The following TIAM2 variants were observed in gnomAD, a reference collection of about 807,000 sequenced individuals.
TIAM2 encodes the protein rho guanine nucleotide exchange factor TIAM2.
TIAM2 carries 80 observed loss-of-function variants against 152.9 expected under a neutral mutation model. The ratio of observed to expected loss-of-function variants is 0.52; its 90% CI spans 0.44 to 0.63. The LOEUF is 0.63. Ranked by LOEUF, TIAM2 falls within the 30% of genes least tolerant of loss-of-function variation. The pLI, the probability that TIAM2 is intolerant of heterozygous loss-of-function variation, is 0.00. For synonymous variants in TIAM2, 804 were observed against 838.0 expected (o/e 0.96, Z 0.70); for missense variants, 1,965 against 2,120.1 (o/e 0.93, Z 1.44).
intron 1 of TIAM2, among the ~76,000 whole-genome samples, chr6:155,048,542 G>A (rs1345778641): frequency 6.9e-6 from 1 of 144,596 alleles, no homozygotes; most frequent in Admixed American, 7.1e-5. Flanking sequence ...AGAGGACAGA[G>A]CAAGAGAAGG....
intron 1 of TIAM2, among the ~76,000 whole-genome samples, chr6:155,006,116 G>A (rs1448850986): frequency 6.6e-6 from 1 of 152,204 alleles, no homozygotes; most frequent in East Asian, 1.9e-4. Context: ...TAGCCCCCCG[G>A]GGTCCTGGAG....
chr6:155,167,828 G>A (rs1411860823), intron 9 of TIAM2, among the ~76,000 whole-genome samples: 1 of 152,062 alleles, frequency 6.6e-6, no homozygotes, highest in Non-Finnish European at 1.5e-5. Context: ...TTCTTTGATG[G>A]TTAACTAATG....
chr6:155,254,172 C>T (rs1184369898), intron 25 of TIAM2, 112 bp downstream of exon 25: 5 of 1,207,422 alleles, frequency 4.1e-6, no homozygotes, highest in Non-Finnish European at 5.8e-6. Context: ...GGGTCATACT[C>T]CCCACCCTCC....
rs201540353 is a variant in TIAM2 at position 155,248,058 on chromosome 6, T to C, written c.3711T>C (p.His1237=). 4.3e-6 allele frequency: 7 copies of C among 1,614,240 alleles called. No individual in the cohort carries two copies. In the East Asian group the frequency reaches 1.6e-4, roughly 36 times the overall value. Residue 1237 remains histidine (H), a synonymous_variant, in exon 20 of 27, where the codon CAT becomes CAC. Transcript: ENST00000682666. Reference sequence around the variant, plus strand: ...ACGCCCGGAACCCCACCAAGCAGCATTCCTCCACGCTGGAGTCCTACCTCA... The same window carrying C: ...ACGCCCGGAACCCCACCAAGCAGCACTCCTCCACGCTGGAGTCCTACCTCA... ...FLDARNPTKQ[H]SSTLESYLIK...
At chr6:155,017,285 A>G (rs1474632708) in intron 1 of TIAM2, among the ~76,000 whole-genome samples, 1 of 151,968 alleles carries the variant, frequency 6.6e-6, no homozygotes, top group Non-Finnish European at 1.5e-5. Context: ...TAATGACGTG[A>G]TTGTGGAAAT....
intron 2 of TIAM2, among the ~76,000 whole-genome samples, chr6:155,109,690 A>C (rs1168632378): frequency 6.6e-6 from 1 of 152,154 alleles, no homozygotes; most frequent in Non-Finnish European, 1.5e-5. Context: ...AGAACGTTAG[A>C]GCTGAAAATG....
At chr6:155,190,701 G>T (rs553167856) in intron 14 of TIAM2, among the ~76,000 whole-genome samples, 10 of 152,326 alleles carry the variant, frequency 6.6e-5, no homozygotes, top group Admixed American at 5.2e-4. Flanking sequence ...TGCCACTTTT[G>T]ATAGACATTT....
In TIAM2 at chr6:155,137,307, G is replaced by A. The variant is rs1294444473; in HGVS notation, c.1325G>A (p.Arg442Lys). ...GGCTCTACTCAGATCCTGTCTCAGA[G>A]AAGTGAATCCACACATGCGATTGGC... ...SGGSTQILSQ[R>K]SESTHAIGSD... The change falls in exon 5 of 27, where the codon AGA (arginine) becomes AAA (lysine). Residue 442 changes from arginine (R) to lysine (K), a missense_variant. By Grantham distance (26) the Arg-to-Lys change is conservative. Transcript: ENST00000682666. 10 of 1,614,252 alleles carry A rather than the reference G, an allele frequency of 6.2e-6. No individual in the cohort carries two copies. Among genetic ancestry groups the A allele is most frequent in the Non-Finnish European group, 8.5e-6 (10 of 1,180,040 alleles).
At chr6:155,227,230 C>T (rs1782280755) in intron 15 of TIAM2, among the ~76,000 whole-genome samples, 2 of 152,210 alleles carry the variant, frequency 1.3e-5, no homozygotes, top group Non-Finnish European at 2.9e-5. Flanking sequence ...ATTTCCACAA[C>T]TGTTTCATGG....
Position 155,130,264 on chromosome 6 carries a change from C to G in TIAM2, c.1041C>G (p.His347Gln), listed in dbSNP as rs770060525. The G allele has an allele frequency of 1.1e-5, 17 of 1,614,070 alleles. 1 individual carries two copies. In the South Asian group the frequency reaches 1.6e-4, roughly 16 times the overall value. ...SDIDVPSRVA[H>Q]GDPIQYSSFT... ...TTGATGTGCCCTCCAGAGTGGCACA[C>G]GGGGACCCCATCCAGTACAGTTCCT... The change falls in exon 4 of 27, where the codon CAC (histidine) becomes CAG (glutamine). Residue 347 changes from histidine to glutamine, a missense_variant. Physicochemically the swap from His to Gln is conservative, Grantham distance 24 (BLOSUM62 0). Transcript: ENST00000682666.
At chr6:155,054,118 A>G (rs556251440) in intron 1 of TIAM2, among the ~76,000 whole-genome samples, 6 of 152,324 alleles carry the variant, frequency 3.9e-5, no homozygotes, top group Non-Finnish European at 8.8e-5. Flanking sequence ...AGTGTCAGTA[A>G]GCTGAGATGG....
intron 15 of TIAM2, among the ~76,000 whole-genome samples, chr6:155,226,972 A>T (rs868542933): frequency 4.6e-5 from 7 of 152,364 alleles, no homozygotes; most frequent in Admixed American, 1.3e-4. Flanking sequence ...AGGCCATCCC[A>T]AACAGCACAT....
chr6:155,204,583 G>T (rs1378533473), intron 14 of TIAM2, among the ~76,000 whole-genome samples: 1 of 152,094 alleles, frequency 6.6e-6, no homozygotes, highest in East Asian at 1.9e-4. Context: ...TATTAAGAAT[G>T]ATTTTTATTT....
intron 1 of TIAM2, among the ~76,000 whole-genome samples, chr6:155,012,243 G>C (rs560737593): frequency 6.6e-6 from 1 of 152,090 alleles, no homozygotes; most frequent in South Asian, 2.1e-4. Context: ...ATTTTGTACT[G>C]TACGGCCCAC....
intron 1 of TIAM2, among the ~76,000 whole-genome samples, chr6:155,053,703 T>C (rs2114927253): frequency 6.6e-6 from 1 of 152,196 alleles, no homozygotes; most frequent in South Asian, 2.1e-4. Flanking sequence ...ACTCCTGACC[T>C]CAAGTGATTC....
At position 155,242,732 on chromosome 6, in the gene TIAM2, AATTATT is replaced by A. The variant is rs966035714; in HGVS notation, c.3349-1266_3349-1261del. Among the ~76,000 whole-genome samples, 14 of 151,956 alleles carry A rather than the reference AATTATT, an allele frequency of 9.2e-5. No individual in the cohort carries two copies. In the East Asian group the frequency reaches 9.7e-4, roughly 11 times the overall value. Reference sequence around the variant, plus strand: ...GAACTATATCCTGGTCTTGCCTTCAAATTATTATTATTATTATTTTGGAGATGGAGT... The same window carrying A: ...GAACTATATCCTGGTCTTGCCTTCAAATTATTATTATTTTGGAGATGGAGT... On this transcript the variant is annotated intron_variant, in intron 16 of 26. Transcript: ENST00000682666.
chr6:155,074,662 T>C (rs982990287), intron 1 of TIAM2, among the ~76,000 whole-genome samples: 1 of 152,140 alleles, frequency 6.6e-6, no homozygotes, highest in African/African-American at 2.4e-5. Flanking sequence ...ACGATAAGTT[T>C]ATTTCAAATG....
chr6:155,111,514 G>A (rs1357644383), intron 2 of TIAM2, among the ~76,000 whole-genome samples: 1 of 152,170 alleles, frequency 6.6e-6, no homozygotes, highest in Non-Finnish European at 1.5e-5. Context: ...AGACAACACA[G>A]TGACATGCAG....
intron 1 of TIAM2, among the ~76,000 whole-genome samples, chr6:155,054,324 G>A (rs1777390682): frequency 6.6e-6 from 1 of 152,166 alleles, no homozygotes; most frequent in Admixed American, 6.5e-5. Context: ...GCTCTGGTTG[G>A]TGGGGAATTC....
Sources: gnomAD v4.1 joint callset for allele counts (sites outside exome capture counted in the v4.1 genomes callset) on GRCh38, gnomAD v4.1.1 for gene constraint, MANE v1.5 for transcripts, NCBI Gene and HGNC (gene_info 2026-07-23, HGNC 2026-07-21) for gene names.